Variants in WDR27 observed in about 807,000 individuals in gnomAD.
The protein encoded by WDR27 is WD repeat-containing protein 27.
Under a neutral mutation model 114.4 loss-of-function variants are expected in WDR27, and 100 were observed. The ratio of observed to expected loss-of-function variants is 0.87; its 90% CI spans 0.74 to 1.03. WDR27 has a LOEUF of 1.03. Among genes scored for constraint, WDR27 ranks in the 50% least tolerant of loss-of-function variants. The probability of loss-of-function intolerance (pLI) is 0.00; values close to 1 mark genes in which losing one functional copy is unlikely to be tolerated. For missense variants in WDR27, 1,129 were observed against 1,092.9 expected (o/e 1.03, Z -0.47); for synonymous variants, 449 against 423.1 (o/e 1.06, Z -0.75).
At chr6:169,435,630 T>G in the WDR27 span, among the ~76,000 whole-genome samples, 2 of 152,272 alleles carry the variant, frequency 1.3e-5, no homozygotes, top group Non-Finnish European at 2.9e-5. Context: ...CTTTAGCCCC[T>G]TTGTTTTACC....
chr6:169,608,946 A>G (rs2128180148), intron 22 of WDR27, among the ~76,000 whole-genome samples: 1 of 152,360 alleles, frequency 6.6e-6, no homozygotes, highest in East Asian at 1.9e-4. Flanking sequence ...TCCAAATGGG[A>G]GAAACTGGCC....
chr6:169,519,479 A>G (rs1439027531), intron 25 of WDR27, among the ~76,000 whole-genome samples: 1 of 152,164 alleles, frequency 6.6e-6, no homozygotes, highest in Non-Finnish European at 1.5e-5. Flanking sequence ...GCAAAGCAGG[A>G]GCTGGCACAT....
chr6:169,458,091 T>C (rs1443606246), intron 25 of WDR27, among the ~76,000 whole-genome samples: 1 of 152,130 alleles, frequency 6.6e-6, no homozygotes, highest in Non-Finnish European at 1.5e-5. Context: ...GTACTTTCAA[T>C]TTATGGAGTC....
intron 25 of WDR27, among the ~76,000 whole-genome samples, chr6:169,489,256 G>A (rs142138682): frequency 2.2e-4 from 33 of 152,292 alleles, no homozygotes; most frequent in African/African-American, 7.7e-4. Flanking sequence ...GCTGTAAGAC[G>A]AGACTCTTAA....
intron 25 of WDR27, among the ~76,000 whole-genome samples, chr6:169,506,775 A>G (rs1428620875): frequency 6.6e-6 from 1 of 152,258 alleles, no homozygotes; most frequent in East Asian, 1.9e-4. Context: ...TGTGTTAGTT[A>G]TAACTTGGGA....
chr6:169,554,519 A>G (rs1252537925), intron 25 of WDR27, among the ~76,000 whole-genome samples: 5 of 152,242 alleles, frequency 3.3e-5, no homozygotes, highest in African/African-American at 1.2e-4. Flanking sequence ...AAATAGCCTG[A>G]AGTATAACCA....
At chr6:169,534,362 GT>G (rs1478186208) in intron 25 of WDR27, among the ~76,000 whole-genome samples, 1 of 152,084 alleles carries the variant, frequency 6.6e-6, no homozygotes, top group Non-Finnish European at 1.5e-5. Flanking sequence ...TTTTTTTGAT[GT>G]TTTTAATCTG....
downstream of WDR27, among the ~76,000 whole-genome samples, chr6:169,452,238 T>C (rs1784179089): frequency 6.6e-6 from 1 of 152,254 alleles, no homozygotes; most frequent in African/African-American, 2.4e-5. Flanking sequence ...ACCCACGCCT[T>C]ACTCACTGCG....
At chr6:169,700,487 G>A (rs1029589891) in intron 1 of WDR27, among the ~76,000 whole-genome samples, 4 of 152,226 alleles carry the variant, frequency 2.6e-5, no homozygotes, top group Non-Finnish European at 5.9e-5. Flanking sequence ...GTGCAGCCAT[G>A]TAGTCGTTGA....
chr6:169,574,914 T>C (rs1489085325), intron 24 of WDR27, among the ~76,000 whole-genome samples: 1 of 152,178 alleles, frequency 6.6e-6, no homozygotes, highest in East Asian at 1.9e-4. Context: ...TGGGTGGGCA[T>C]CATGCAATCC....
chr6:169,432,785 G>A, the WDR27 span, among the ~76,000 whole-genome samples: 6 of 152,266 alleles, frequency 3.9e-5, no homozygotes, highest in Admixed American at 1.3e-4. Flanking sequence ...TAAAGATACC[G>A]GAAAATGTGG....
At chr6:169,441,602 T>C in the WDR27 span, among the ~76,000 whole-genome samples, 5 of 152,144 alleles carry the variant, frequency 3.3e-5, no homozygotes, top group Admixed American at 2.6e-4. Context: ...CTTAAGGCCA[T>C]TTTTACGCAG....
intron 4 of WDR27, chr6:169,670,212 G>C (rs1431909078): frequency 1.2e-5 from 2 of 167,062 alleles, no homozygotes; most frequent in Non-Finnish European, 1.3e-5. Flanking sequence ...TCTGATTCTT[G>C]ATGAAAAGAA....
chr6:169,542,966 C>T (rs1797012261), intron 25 of WDR27, among the ~76,000 whole-genome samples: 1 of 151,904 alleles, frequency 6.6e-6, no homozygotes, highest in Non-Finnish European at 1.5e-5. Flanking sequence ...TGTACTATGG[C>T]TTCAAAATCT....
chr6:169,649,190 T>C lies in WDR27; in HGVS notation c.1559+8A>G, dbSNP rs1821595643. 6.4e-7 allele frequency: 1 copy of C among 1,564,302 alleles called. No homozygotes were observed. Among genetic ancestry groups the C allele is most frequent in the African/African-American group, 1.4e-5 (1 of 73,752 alleles). ...AAATGTACTTGGAATGCACGCTACA[T>C]CACACACCGTGCGCAGCTGCTCCTG... On this transcript the variant is annotated splice_region_variant and intron_variant, in intron 15 of 25. Transcript: ENST00000448612.
intron 25 of WDR27, 43 bp from the exon 26 acceptor site, chr6:169,457,677 T>C: frequency 6.9e-7 from 1 of 1,453,300 alleles, no homozygotes; most frequent in Non-Finnish European, 9.4e-7. Flanking sequence ...AATCGCCTTT[T>C]ATTAATTGAT....
intron 21 of WDR27, among the ~76,000 whole-genome samples, chr6:169,616,006 A>C (rs894720828): frequency 5.3e-5 from 8 of 152,032 alleles, no homozygotes; most frequent in Admixed American, 2.6e-4. Flanking sequence ...GCACACGCGA[A>C]CTCTGAGGAG....
At chr6:169,700,309 C>T (rs1443445549) in intron 1 of WDR27, among the ~76,000 whole-genome samples, 1 of 152,160 alleles carries the variant, frequency 6.6e-6, no homozygotes, top group African/African-American at 2.4e-5. Flanking sequence ...ACAAAGTGTC[C>T]CCCTTGGGGT....
At chr6:169,500,496 C>G (rs948039134) in intron 25 of WDR27, among the ~76,000 whole-genome samples, 3 of 152,202 alleles carry the variant, frequency 2.0e-5, no homozygotes, top group Admixed American at 6.5e-5. Context: ...GCCACACTAA[C>G]TTCTGAGCTG....
Sources: gnomAD v4.1 joint callset for allele counts (sites outside exome capture counted in the v4.1 genomes callset) on GRCh38, gnomAD v4.1.1 for gene constraint, MANE v1.5 for transcripts, NCBI Gene and HGNC (gene_info 2026-07-23, HGNC 2026-07-21) for gene names.